The following CLRN1 variants were observed in gnomAD, a reference collection of about 807,000 sequenced individuals.
CLRN1 encodes clarin-1.
Under a neutral mutation model 18.7 loss-of-function variants are expected in CLRN1, and 15 were observed. The observed-to-expected ratio is 0.80, with a 90% CI of 0.54 to 1.23. CLRN1 has a LOEUF of 1.23. CLRN1 is among the 50% of genes most tolerant of loss of function. The probability of loss-of-function intolerance (pLI) is 0.00; values close to 1 mark genes in which losing one functional copy is unlikely to be tolerated. For missense variants in CLRN1, 311 were observed against 277.5 expected (o/e 1.12, Z -0.86); for synonymous variants, 104 against 102.9 (o/e 1.01, Z -0.07).
At chr3:150,945,736 C>A (rs899271905) in intron 1 of CLRN1, 8 of 936,060 alleles carry the variant, frequency 8.5e-6, no homozygotes, top group Middle Eastern at 4.5e-4. Flanking sequence ...TTCAATACAT[C>A]ATGTTTACAA....
Position 150,972,343 on chromosome 3 carries a change from C to T in CLRN1, c.253+113G>A, listed in dbSNP as rs1648308087. The T allele has an allele frequency of 1.4e-5, 19 of 1,381,418 alleles. No homozygotes were observed. In the South Asian group the frequency reaches 2.1e-4, roughly 15 times the overall value. The allele number at this position is 1,381,418 out of a possible 1,614,324, so 85.6% of individuals were successfully genotyped here. The stretch of plus-strand genomic sequence containing the variant: ...TCATAGGTTTTTCATATGGTTCACA[C>T]CGATTTAAAAAGTCCTGCAGTAAAC... On this transcript the variant is annotated intron_variant, in intron 1 of 2. Transcript: ENST00000327047.
At chr3:150,948,483 CAAAAAAAAAAAAAA>C (rs55846714) in intron 1 of CLRN1, among the ~76,000 whole-genome samples, 5 of 54,388 alleles carry the variant, frequency 9.2e-5, no homozygotes, top group East Asian at 1.6e-3. Context: ...GACTCCGTCT[CAAAAAAAAAAAAAA>C]AAAAAAAAAA....
chr3:150,954,452 G>T (rs2107971689), intron 1 of CLRN1, among the ~76,000 whole-genome samples: 1 of 152,150 alleles, frequency 6.6e-6, no homozygotes, highest in East Asian at 1.9e-4. Context: ...TGTATCTTTT[G>T]TGCATTTCTT....
intron 1 of CLRN1, 138 bp downstream of exon 1, chr3:150,972,318 T>G: frequency 9.7e-7 from 1 of 1,029,992 alleles, no homozygotes; most frequent in Non-Finnish European, 1.4e-6. Flanking sequence ...TTGCTCAGAG[T>G]CATAGGTTTT....
chr3:150,926,210 C>T (rs1350815356), downstream of CLRN1: 4 of 156,462 alleles, frequency 2.6e-5, no homozygotes, highest in East Asian at 7.5e-4. Flanking sequence ...AGCAGCTGCT[C>T]CAGGTTTTCT....
intron 1 of CLRN1, among the ~76,000 whole-genome samples, chr3:150,949,450 TA>T (rs1173462814): frequency 2.0e-5 from 3 of 152,078 alleles, no homozygotes; most frequent in African/African-American, 4.8e-5. Context: ...ATTCTATATC[TA>T]AAAAACCCCC....
At chr3:150,972,960 C>T, upstream of CLRN1, 2 of 607,068 alleles carry the variant, frequency 3.3e-6, no homozygotes, top group Non-Finnish European at 5.9e-6. Flanking sequence ...GACTAAGAAT[C>T]TGTAAAACAA....
At chr3:150,970,464 G>A (rs1715476910) in intron 1 of CLRN1, among the ~76,000 whole-genome samples, 1 of 151,378 alleles carries the variant, frequency 6.6e-6, no homozygotes, top group Non-Finnish European at 1.5e-5. Flanking sequence ...TATTTATTTT[G>A]GTTTTCCCAA....
chr3:150,957,561 G>T (rs1214493102), intron 1 of CLRN1, among the ~76,000 whole-genome samples: 1 of 152,108 alleles, frequency 6.6e-6, no homozygotes, highest in Admixed American at 6.5e-5. Flanking sequence ...ATCCTCTAAG[G>T]TTTCACCTCA....
intron 1 of CLRN1, among the ~76,000 whole-genome samples, chr3:150,949,795 A>G (rs1714390481): frequency 6.6e-6 from 1 of 152,200 alleles, no homozygotes; most frequent in Non-Finnish European, 1.5e-5. Context: ...TTCTTCACAT[A>G]ACTAGAAAAA....
chr3:150,964,108 A>G (rs1026473159), intron 1 of CLRN1, among the ~76,000 whole-genome samples: 7 of 152,334 alleles, frequency 4.6e-5, no homozygotes, highest in Middle Eastern at 3.4e-3. Context: ...AAAAGAAACT[A>G]TTATCAGAGT....
At chr3:150,938,853 T>A (rs1713637719) in intron 2 of CLRN1, among the ~76,000 whole-genome samples, 2 of 152,230 alleles carry the variant, frequency 1.3e-5, no homozygotes, top group Admixed American at 6.5e-5. Flanking sequence ...TATATTTGTG[T>A]GCTCAGGTTC....
At chr3:150,948,617 A>G (rs897257482) in intron 1 of CLRN1, among the ~76,000 whole-genome samples, 2 of 152,132 alleles carry the variant, frequency 1.3e-5, no homozygotes, top group Non-Finnish European at 2.9e-5. Flanking sequence ...AGAAGAGCTA[A>G]ATAAATTCCT....
chr3:150,959,964 G>A (rs1359047777), intron 1 of CLRN1, among the ~76,000 whole-genome samples: 1 of 152,154 alleles, frequency 6.6e-6, no homozygotes, highest in Non-Finnish European at 1.5e-5. Flanking sequence ...TCAGGCAGTT[G>A]GAATACAGTG....
rs1712865407 is a variant in CLRN1, at chr3:150,927,435, C to T, written c.*501G>A. 2.2e-6 allele frequency: 1 copy of T among 452,104 alleles called. No homozygotes were observed. Among genetic ancestry groups the T allele is most frequent in the South Asian group, 1.6e-5 (1 of 63,948 alleles). 28.0% of individuals were successfully genotyped at this position (452,104 alleles called of 1,614,324 possible). A position where few individuals can be genotyped will look rare whatever the true frequency, so the allele number is the denominator to read the frequency against. ...TCACCACGCCTGGCCTAAGAGTATA[C>T]TTTAAACAAATTTTTTAAAATGTGT... is the stretch of plus-strand genomic sequence containing the variant. On this transcript the variant is annotated 3_prime_UTR_variant, in exon 3 of 3. Transcript: ENST00000327047.
At chr3:150,959,690 T>A (rs1714933192) in intron 1 of CLRN1, among the ~76,000 whole-genome samples, 1 of 152,036 alleles carries the variant, frequency 6.6e-6, no homozygotes, top group South Asian at 2.1e-4. Flanking sequence ...GTGTTTTTAC[T>A]AACTGCTAAG....
At chr3:150,943,921 G>A (rs1307821412) in intron 1 of CLRN1, 1 of 1,611,098 alleles carries the variant, frequency 6.2e-7, no homozygotes, top group Admixed American at 1.7e-5. Flanking sequence ...TCCTGCAAGA[G>A]GTTGAGCAGG....
intron 2 of CLRN1, 112 bp downstream of exon 2, chr3:150,941,470 A>G (rs2107950572): frequency 9.3e-7 from 1 of 1,074,392 alleles, no homozygotes; most frequent in Non-Finnish European, 1.4e-6. Flanking sequence ...GTATAATACT[A>G]CAGTGTGCAT....
Position 150,927,348 on chromosome 3 carries a change from C to T in CLRN1, c.*588G>A. The T allele has an allele frequency of 2.4e-6, 1 of 421,724 alleles. No individual in the cohort carries two copies. The highest frequency in any genetic ancestry group is 4.7e-6 in the Non-Finnish European group (1 of 214,238). 26.1% of individuals were successfully genotyped at this position (421,724 alleles called of 1,614,324 possible). ...TTTATTGCCCAGGCTGTAACTCGAA[C>T]TCCTGAACTCAAATGATCTTCCCAC... On this transcript the variant is annotated 3_prime_UTR_variant, in exon 3 of 3. Transcript: ENST00000327047.
Sources: allele counts gnomAD v4.1 joint callset (sites outside exome capture counted in the v4.1 genomes callset), GRCh38; gene constraint gnomAD v4.1.1; transcripts MANE v1.5; gene names NCBI Gene and HGNC (gene_info 2026-07-23, HGNC 2026-07-21).